EDEM3: variants seen among roughly 807,000 people sequenced by gnomAD.
EDEM3 encodes the protein ER degradation enhancing alpha-mannosidase like protein 3.
In EDEM3, 60 loss-of-function variants were observed where a neutral mutation model predicts 110.2. The ratio of observed to expected loss-of-function variants is 0.54; its 90% CI spans 0.44 to 0.67. EDEM3 has a LOEUF of 0.67. Among genes scored for constraint, EDEM3 ranks in the 30% least tolerant of loss-of-function variants. The probability of loss-of-function intolerance (pLI) is 0.00; values close to 1 mark genes in which losing one functional copy is unlikely to be tolerated. For missense variants in EDEM3, 996 were observed against 1,121.0 expected (o/e 0.89, Z 1.59); for synonymous variants, 352 against 382.9 (o/e 0.92, Z 0.94).
chr1:184,710,220 G>A (rs970813856), intron 16 of EDEM3, among the ~76,000 whole-genome samples, 174 bp downstream of exon 16: 1 of 152,132 alleles, frequency 6.6e-6, no homozygotes, highest in South Asian at 2.1e-4. Context: ...TACTATAAAG[G>A]AGTTGAATTA....
At chr1:184,711,923 TTAACA>T in intron 14 of EDEM3, 46 bp from the exon 15 acceptor site, 1 of 1,497,726 alleles carries the variant, frequency 6.7e-7, no homozygotes, top group Non-Finnish European at 9.0e-7. Context: ...ATTATTTTAC[TTAACA>T]TAATTTTTTT....
chr1:184,736,032 C>CA (rs760332883), intron 4 of EDEM3, among the ~76,000 whole-genome samples: 2 of 152,074 alleles, frequency 1.3e-5, no homozygotes, highest in African/African-American at 2.4e-5. Context: ...CATTAATCTC[C>CA]AAAAAATGAA....
rs1232235846 is a variant in EDEM3 at position 184,702,816 on chromosome 1, T to C, written c.2384A>G (p.Asp795Gly). The C allele has an allele frequency of 3.1e-6, 5 of 1,592,164 alleles. No individual in the cohort carries two copies. The highest frequency in any genetic ancestry group is 4.3e-6 in the Non-Finnish European group (5 of 1,171,284). The change falls in exon 19 of 20, where the codon GAT becomes GGT. Residue 795 changes from aspartate to glycine, a missense_variant. Physicochemically the swap from Asp to Gly is moderately conservative, Grantham distance 94 (BLOSUM62 -1). This residue lies in a region of EDEM3 where 345 missense variants were observed against 402.0 expected (regional missense o/e 0.86). Transcript: ENST00000318130. ...AAATGGTATTTTACTCTTACCTCGA[T>C]CTTTTGCTTTATCAGAGAGGAGCAC... ...VEVLLSDKAK[D>G]RDPEMENEEQ...
Position 184,708,247 on chromosome 1 carries a change from C to G in EDEM3, c.1943G>C (p.Arg648Pro). The G allele has an allele frequency of 6.2e-7, 1 of 1,613,592 alleles. No individual in the cohort carries two copies. Among genetic ancestry groups the G allele is most frequent in the Non-Finnish European group, 8.5e-7 (1 of 1,179,854 alleles). The change falls in exon 17 of 20, where the codon CGA becomes CCA. Residue 648 changes from arginine to proline, a missense_variant. Coordinates refer to ENST00000318130, the MANE Select transcript of EDEM3 (RefSeq NM_025191.4). ...QQQKEQQLPP[R>P]AVQIVSHPFF... is the part of the protein sequence containing the mutation. The stretch of plus-strand genomic sequence containing the variant: ...TGGGTGGGAAACAATTTGTACAGCT[C>G]GTGGAGGCAGCTGCTGTTCTTTTTG...
intron 15 of EDEM3, 131 bp downstream of exon 15, chr1:184,711,592 G>A (rs1479827104): frequency 3.4e-5 from 21 of 611,672 alleles, no homozygotes. Context: ...TTTAACCAGT[G>A]ATAGCTACAT....
At chr1:184,732,441 T>C (rs2102109312) in intron 6 of EDEM3, among the ~76,000 whole-genome samples, 1 of 152,294 alleles carries the variant, frequency 6.6e-6, no homozygotes, top group East Asian at 1.9e-4. Flanking sequence ...AAATGTATCA[T>C]ACATTTTAAA....
At chr1:184,704,301 C>T (rs1467324122) in intron 18 of EDEM3, among the ~76,000 whole-genome samples, 2 of 152,024 alleles carry the variant, frequency 1.3e-5, no homozygotes, top group Non-Finnish European at 2.9e-5. Context: ...AAACAAAATG[C>T]TTTGTCAGAA....
chr1:184,711,753 T>A lies in EDEM3; in HGVS notation c.1661A>T (p.Asp554Val), dbSNP rs199777596. The change falls in exon 15 of 20, where the codon GAT becomes GTT. Residue 554 changes from aspartate (D) to valine (V), a missense_variant. Around this residue, in one of 5 missense-constraint regions of EDEM3, gnomAD observed 138 missense variants for 124.3 expected, o/e 1.11. Transcript: ENST00000318130. ...SIREPLKNVV[D>V]KSCPRGIIRV... The stretch of plus-strand genomic sequence containing the variant: ...GATGATGCCTCTAGGACAGCTCTTA[T>A]CCACCACATTTTTCAAGGGCTCACG... 6.8e-6 allele frequency: 11 copies of A among 1,612,792 alleles called. No homozygotes were observed. In the East Asian group the frequency reaches 2.5e-4, roughly 36 times the overall value.
In EDEM3 at chr1:184,691,657, T is replaced by C. The variant is rs1300634417; in HGVS notation, c.*2406A>G. 2.0e-5 allele frequency: 3 copies of C among 152,432 alleles called. No individual in the cohort carries two copies. Among genetic ancestry groups the C allele is most frequent in the Non-Finnish European group, 4.4e-5 (3 of 67,992 alleles). The allele number at this position is 152,432 out of a possible 1,614,324, so 9.4% of individuals were successfully genotyped here. A position where few individuals can be genotyped will look rare whatever the true frequency, so the allele number is the denominator to read the frequency against. On this transcript the variant is annotated 3_prime_UTR_variant, in exon 20 of 20. Transcript: ENST00000318130. Reference sequence around the variant, plus strand: ...AAAACAACTAATGCCTTTGGAATTTTTAATGAACTCAAAAACTACTTTGTG... The same window carrying C: ...AAAACAACTAATGCCTTTGGAATTTCTAATGAACTCAAAAACTACTTTGTG...
At chr1:184,729,014 C>T (rs934658669) in intron 6 of EDEM3, among the ~76,000 whole-genome samples, 2 of 152,030 alleles carry the variant, frequency 1.3e-5, no homozygotes, top group Non-Finnish European at 1.5e-5. Context: ...TTTTTGCTTA[C>T]GGGATCCTCT....
chr1:184,719,436 T>G lies in EDEM3; in HGVS notation c.1077+7A>C, dbSNP rs1184833392. The G allele has an allele frequency of 6.2e-7, 1 of 1,609,138 alleles. No homozygotes were observed. The highest frequency in any genetic ancestry group is 1.7e-5 in the Admixed American group (1 of 58,586). On this transcript the variant is annotated splice_region_variant and intron_variant, in intron 10 of 19. Transcript: ENST00000318130. ...CATTCATATTAAGAAGACAGAATTCTTTATACCTGCAAGCCTGGGAAGAAG... is the reference window on the plus strand; with the variant it reads ...CATTCATATTAAGAAGACAGAATTCGTTATACCTGCAAGCCTGGGAAGAAG...
At chr1:184,742,595 G>A (rs1263778810) in intron 2 of EDEM3, among the ~76,000 whole-genome samples, 1 of 152,070 alleles carries the variant, frequency 6.6e-6, no homozygotes, top group African/African-American at 2.4e-5. Context: ...CACCAAGTTG[G>A]CCAGGCTGGT....
chr1:184,737,124 A>G lies in EDEM3; in HGVS notation c.306-60T>C, dbSNP rs139512013. 5.5e-5 allele frequency: 76 copies of G among 1,390,086 alleles called. 1 individual carries two copies. The African/African-American group carries it at 7.7e-4, about 14-fold the overall frequency. 86.1% of individuals were successfully genotyped at this position (1,390,086 alleles called of 1,614,324 possible). A position where few individuals can be genotyped will look rare whatever the true frequency, so the allele number is the denominator to read the frequency against. Reference sequence around the variant, plus strand: ...AGAATCCTAAATAGTTTATGAATGTACAAGTAGACTTATCTACATTCTATT... The same window carrying G: ...AGAATCCTAAATAGTTTATGAATGTGCAAGTAGACTTATCTACATTCTATT... On this transcript the variant is annotated intron_variant, in intron 3 of 19. Coordinates refer to ENST00000318130, the MANE Select transcript of EDEM3 (RefSeq NM_025191.4).
intron 2 of EDEM3, among the ~76,000 whole-genome samples, chr1:184,744,979 G>C (rs910694043): frequency 2.6e-5 from 4 of 152,012 alleles, no homozygotes; most frequent in Non-Finnish European, 5.9e-5. Flanking sequence ...GTGGGGAGAA[G>C]GAATTTACTG....
At chr1:184,754,403 C>T in intron 1 of EDEM3, 86 bp downstream of exon 1, 1 of 1,581,660 alleles carries the variant, frequency 6.3e-7, no homozygotes. Context: ...CAGGAGAGGC[C>T]ACTACGCGAC....
intron 19 of EDEM3, among the ~76,000 whole-genome samples, chr1:184,699,614 G>C (rs910086226): frequency 3.3e-5 from 5 of 151,992 alleles, no homozygotes; most frequent in African/African-American, 1.2e-4. Flanking sequence ...TTCAGCTGTA[G>C]AACAGATTCA....
chr1:184,704,459 T>C (rs1188730533), intron 18 of EDEM3, among the ~76,000 whole-genome samples: 2 of 150,430 alleles, frequency 1.3e-5, no homozygotes, highest in Non-Finnish European at 3.0e-5. Flanking sequence ...GAGACCAACT[T>C]GGCCAACACA....
In EDEM3 at chr1:184,734,610, C is replaced by A; in HGVS notation, c.379G>T (p.Val127Leu). The change falls in exon 5 of 20, where the codon GTG (valine) becomes TTG (leucine). Residue 127 changes from valine (V) to leucine (L), a missense_variant. Val to Leu is a conservative substitution (Grantham distance 32). Transcript: ENST00000318130. ...TTAACATCTCTTAAAACTTTTCTCA[C>A]TGCATCTTCAAATTCTTTAGTTTTA... ...LNKTKEFEDA[V>L]RKVLRDVNLD... is the part of the protein sequence containing the mutation. 4.6e-6 allele frequency: 7 copies of A among 1,534,400 alleles called. No individual in the cohort carries two copies. Among genetic ancestry groups the A allele is most frequent in the Non-Finnish European group, 4.4e-6 (5 of 1,132,948 alleles).
intron 19 of EDEM3, among the ~76,000 whole-genome samples, chr1:184,696,584 C>T (rs529809361): frequency 4.0e-5 from 6 of 150,478 alleles, no homozygotes; most frequent in Admixed American, 6.6e-5. Flanking sequence ...GTTTTTTTTC[C>T]GGAGGGGAGG....
Sources: allele counts gnomAD v4.1 joint callset (sites outside exome capture counted in the v4.1 genomes callset), GRCh38; gene constraint gnomAD v4.1.1; regional missense constraint gnomAD v4.1.1; transcripts MANE v1.5; gene names NCBI Gene and HGNC (gene_info 2026-07-23, HGNC 2026-07-21).